The following CHRNE variants were observed in gnomAD, a reference collection of about 807,000 sequenced individuals.
CHRNE encodes cholinergic receptor nicotinic epsilon subunit, also known as acetylcholine receptor subunit epsilon.
In CHRNE, 58 loss-of-function variants were observed where a neutral mutation model predicts 56.5. The observed-to-expected ratio is 1.03, with a 90% confidence interval of 0.83 to 1.28. The LOEUF (loss-of-function observed/expected upper bound fraction) is 1.28, where lower values mean the gene tolerates loss of function less well. Among genes scored for constraint, CHRNE ranks in the 50% most tolerant of loss-of-function variants. The pLI, the probability that CHRNE is intolerant of heterozygous loss-of-function variation, is 0.00. For synonymous variants in CHRNE, 385 were observed against 297.9 expected, an observed-to-expected ratio of 1.29 and a Z score of -3.01; for missense variants, 793 against 688.9, an observed-to-expected ratio of 1.15 and a Z score of -1.69.
chr17:4,901,088 A>G lies in CHRNE; in HGVS notation c.704T>C (p.Ile235Thr), dbSNP rs770523947. 6.2e-7 allele frequency: 1 copy of G among 1,613,804 alleles called. No homozygotes were observed. Among genetic ancestry groups the G allele is most frequent in the Admixed American group, 1.7e-5 (1 of 60,028 alleles). Residue 235 changes from isoleucine (I) to threonine (T), a missense_variant, in exon 7 of 12, where the codon ATC becomes ACC. Ile to Thr is a moderately conservative substitution (Grantham distance 89, BLOSUM62 -1). Coordinates refer to ENST00000649488, the MANE Select transcript of CHRNE (RefSeq NM_000080.4). ...PGETDVIYSL[I>T]IRRKPLFYVI... ...GTAGAAGAGCGGCTTCCGGCGGATGATGAGCGAGTAGATGACGTCAGTCTC... is the reference window on the plus strand; with the variant it reads ...GTAGAAGAGCGGCTTCCGGCGGATGGTGAGCGAGTAGATGACGTCAGTCTC...
In CHRNE at chr17:4,901,766, T is replaced by C. The variant is rs557691162; in HGVS notation, c.501-141A>G. The C allele has an allele frequency of 7.3e-5, 91 of 1,239,910 alleles. 1 individual carries two copies. The Admixed American group carries it at 1.4e-3, about 19-fold the overall frequency. The allele number at this position is 1,239,910 out of a possible 1,614,324, so 76.8% of individuals were successfully genotyped here. ...CCAAGCCCAGCCCGCACGCCTCTGTTCCCATCTGTACCTCCGGCCGCGCTG... is the reference window on the plus strand; with the variant it reads ...CCAAGCCCAGCCCGCACGCCTCTGTCCCCATCTGTACCTCCGGCCGCGCTG... On this transcript the variant is annotated intron_variant, in intron 5 of 11. Coordinates refer to ENST00000649488, the MANE Select transcript of CHRNE (RefSeq NM_000080.4).
intron 8 of CHRNE, 48 bp downstream of exon 8, chr17:4,900,745 C>T: frequency 2.5e-6 from 4 of 1,568,684 alleles, no homozygotes; most frequent in Non-Finnish European, 3.5e-6. Context: ...TTTGGCCACG[C>T]CCCCACCCTT....
Position 4,902,702 on chromosome 17 carries a change from G to T in CHRNE, c.108C>A (p.Asp36Glu), listed in dbSNP as rs1211928633. Reference protein sequence around the residue: ...RLYHHLFNNYDPGSRPVREPE... With the variant: ...RLYHHLFNNYEPGSRPVREPE... ...GCTCCCGCACTGGCCGGCTTCCTGGGTCATAGTTGTTGAAGAGATGGTGAT... is the reference window on the plus strand; with the variant it reads ...GCTCCCGCACTGGCCGGCTTCCTGGTTCATAGTTGTTGAAGAGATGGTGAT... Residue 36 changes from aspartate to glutamate, a missense_variant, in exon 2 of 12, where the codon GAC (aspartate) becomes GAA (glutamate). Transcript: ENST00000649488. This position sits in a 1 kb window ranked among gnomAD's most constrained non-coding sequence, Gnocchi z 4.0. The T allele has an allele frequency of 1.2e-6, 2 of 1,614,116 alleles. No individual in the cohort carries two copies. Among genetic ancestry groups the T allele is most frequent in the Admixed American group, 3.3e-5 (2 of 60,000 alleles).
At chr17:4,900,499 GAGA>G in intron 8 of CHRNE, 1 of 1,550,986 alleles carries the variant, frequency 6.4e-7, no homozygotes, top group Non-Finnish European at 8.7e-7. Flanking sequence ...GGAATCCCCG[GAGA>G]ACCGGTGAGC....
Position 4,902,776 on chromosome 17 carries a change from C to A in CHRNE, c.47-13G>T, listed in dbSNP as rs1297220692. On this transcript the variant is annotated splice_polypyrimidine_tract_variant and intron_variant, in intron 1 of 11. Transcript: ENST00000649488. This position sits in a 1 kb window ranked among gnomAD's most constrained non-coding sequence, Gnocchi z 4.0. ...CCCACACCCCTGCCTGCGATGGGGT[C>A]AAGAAGGAAGGGTCATTGGCAATGA... 1.2e-6 allele frequency: 2 copies of A among 1,614,022 alleles called. No individual in the cohort carries two copies. Among genetic ancestry groups the A allele is most frequent in the East Asian group, 2.2e-5 (1 of 44,858 alleles).
rs1351580796 is a variant in CHRNE at position 4,902,624 on chromosome 17, T to C, written c.186A>G (p.Ser62=). ...GATGAGGGTGGGGGTAGCTTACCAG[T>C]GAGATGAGATTCGTCAGGGTGACCT... ...SLKVTLTNLI[S]LNEKEETLTT... Residue 62 remains serine (S), a synonymous_variant, in exon 2 of 12, where the codon TCA becomes TCG. Transcript: ENST00000649488. The surrounding 1 kb of genome is among the most constrained non-coding windows in gnomAD (Gnocchi z 4.0). 3.7e-6 allele frequency: 6 copies of C among 1,613,764 alleles called. No homozygotes were observed. The Admixed American group carries it at 8.3e-5, about 22-fold the overall frequency.
At chr17:4,899,956 T>G in intron 8 of CHRNE, 1 of 1,551,132 alleles carries the variant, frequency 6.4e-7, no homozygotes, top group East Asian at 2.4e-5. Flanking sequence ...AGCCCCCGCT[T>G]CTGTCTTCCC....
intron 8 of CHRNE, chr17:4,900,416 G>T: frequency 6.4e-7 from 1 of 1,550,848 alleles, no homozygotes; most frequent in South Asian, 1.2e-5. Flanking sequence ...AGGGAGCATG[G>T]CTATGCCTGT....
At position 4,899,311 on chromosome 17, in the gene CHRNE, G is replaced by T; in HGVS notation, c.1106C>A (p.Pro369Gln). The T allele has an allele frequency of 6.3e-7, 1 of 1,582,490 alleles. No homozygotes were observed. Among genetic ancestry groups the T allele is most frequent in the Non-Finnish European group, 8.5e-7 (1 of 1,170,614 alleles). Residue 369 changes from proline (P) to glutamine (Q), a missense_variant, in exon 10 of 12, where the codon CCA (proline) becomes CAA (glutamine). Transcript: ENST00000649488. ...PPEAPRAASP[P>Q]RRASSVGLLL... Reference sequence around the variant, plus strand: ...TAAGCCCACCGACGACGCCCGCCTTGGGGGCGAGGCGGCCCGGGGGGCCTC... The same window carrying T: ...TAAGCCCACCGACGACGCCCGCCTTTGGGGCGAGGCGGCCCGGGGGGCCTC...
rs765175027 is a variant in CHRNE, at chr17:4,901,200, G to A, written c.602-10C>T. On this transcript the variant is annotated splice_polypyrimidine_tract_variant and intron_variant, in intron 6 of 11. Transcript: ENST00000649488. ...GCCCACTCGCCGTTCTCTGCGGGAC[G>A]GGGGCACGGTCAGCTGGCTGTCAGA... The A allele has an allele frequency of 2.8e-5, 45 of 1,599,530 alleles. No individual in the cohort carries two copies. Among genetic ancestry groups the A allele is most frequent in the East Asian group, 1.3e-4 (6 of 44,784 alleles).
In CHRNE at chr17:4,902,717, G is replaced by A; in HGVS notation, c.93C>T (p.Leu31=). The A allele has an allele frequency of 2.5e-6, 4 of 1,614,106 alleles. No individual in the cohort carries two copies. The highest frequency in any genetic ancestry group is 3.4e-6 in the Non-Finnish European group (4 of 1,180,020). The part of the protein sequence containing the change: ...KNEELRLYHH[L]FNNYDPGSRP... ...GGCTTCCTGGGTCATAGTTGTTGAAGAGATGGTGATAAAGACGCAGTTCCT... is the reference window on the plus strand; with the variant it reads ...GGCTTCCTGGGTCATAGTTGTTGAAAAGATGGTGATAAAGACGCAGTTCCT... The change falls in exon 2 of 12, where the codon CTC becomes CTT. Residue 31 remains leucine (L), a synonymous_variant. Transcript: ENST00000649488. This position sits in a 1 kb window ranked among gnomAD's most constrained non-coding sequence, Gnocchi z 4.0.
rs764019737 is a variant in CHRNE, at chr17:4,902,174, C to T, written c.344+43G>A. 2 of 1,613,762 alleles carry T rather than the reference C, an allele frequency of 1.2e-6. No homozygotes were observed. The highest frequency in any genetic ancestry group is 1.7e-6 in the Non-Finnish European group (2 of 1,179,662). Reference sequence around the variant, plus strand: ...CCCCAACCAAGTCCAGCCCGCACCCCAGGCCGGCTTCCCTCCAGCCTGGCG... The same window carrying T: ...CCCCAACCAAGTCCAGCCCGCACCCTAGGCCGGCTTCCCTCCAGCCTGGCG... On this transcript the variant is annotated intron_variant, in intron 4 of 11. Coordinates refer to ENST00000649488, the MANE Select transcript of CHRNE (RefSeq NM_000080.4). The surrounding 1 kb of genome is among the most constrained non-coding windows in gnomAD (Gnocchi z 4.0).
rs2151098767 is a variant in CHRNE, at chr17:4,902,504, G to A, written c.190-10C>T. ...TCTCCTCTTTTTCATTCTGCAGATGGGAGATGGGGATGATTGAAGTGAGAT... is the reference window on the plus strand; with the variant it reads ...TCTCCTCTTTTTCATTCTGCAGATGAGAGATGGGGATGATTGAAGTGAGAT... On this transcript the variant is annotated splice_polypyrimidine_tract_variant and intron_variant, in intron 2 of 11. Transcript: ENST00000649488. The surrounding 1 kb of genome is among the most constrained non-coding windows in gnomAD (Gnocchi z 4.0). The A allele has an allele frequency of 6.2e-7, 1 of 1,614,162 alleles. No individual in the cohort carries two copies. Among genetic ancestry groups the A allele is most frequent in the East Asian group, 2.2e-5 (1 of 44,882 alleles).
In CHRNE at chr17:4,902,912, G is replaced by A. The variant is rs1485191705; in HGVS notation, c.46+106C>T. On this transcript the variant is annotated intron_variant, in intron 1 of 11. Transcript: ENST00000649488. This position sits in a 1 kb window ranked among gnomAD's most constrained non-coding sequence, Gnocchi z 4.0. ...AACCAATTATGCTGTGCCTGGGAAC[G>A]AAATACTGTGTCTAAGTCTCCATCT... 1.0e-5 allele frequency: 16 copies of A among 1,581,782 alleles called. No homozygotes were observed. Among genetic ancestry groups the A allele is most frequent in the South Asian group, 2.2e-5 (2 of 90,304 alleles).
chr17:4,906,479 T>C (rs546129674), upstream of CHRNE, among the ~76,000 whole-genome samples: 74 of 152,166 alleles, frequency 4.9e-4, no homozygotes, highest in Admixed American at 1.4e-3. Context: ...CTTCAAAAAG[T>C]GATTATGAGA....
intron 8 of CHRNE, chr17:4,900,521 C>T (rs1293974271): frequency 1.3e-6 from 2 of 1,550,674 alleles, no homozygotes; most frequent in African/African-American, 1.4e-5. Flanking sequence ...GCTCAGGACA[C>T]GGGGTGAGTT....
intron 11 of CHRNE, 32 bp from the exon 12 acceptor site, chr17:4,898,923 G>C (rs762607579): frequency 2.3e-5 from 36 of 1,567,322 alleles, no homozygotes; most frequent in Non-Finnish European, 2.9e-5. Flanking sequence ...CAGTAAAGAG[G>C]CAGCTGCAGG....
chr17:4,903,223 T>C, upstream of CHRNE: 2 of 763,504 alleles, frequency 2.6e-6, no homozygotes, highest in Non-Finnish European at 4.5e-6. Context: ...ACATTTTGGC[T>C]GCTTCCAGAG....
chr17:4,902,154 A>G lies in CHRNE; in HGVS notation c.344+63T>C, dbSNP rs553084042. On this transcript the variant is annotated intron_variant, in intron 4 of 11. Transcript: ENST00000649488. The surrounding 1 kb of genome is among the most constrained non-coding windows in gnomAD (Gnocchi z 4.0). ...CCCTCTCAGAGTACCCCCTTCCCCA[A>G]CCAAGTCCAGCCCGCACCCCAGGCC... is the stretch of plus-strand genomic sequence containing the variant. 3 of 1,611,810 alleles carry G rather than the reference A, an allele frequency of 1.9e-6. No individual in the cohort carries two copies. The highest frequency in any genetic ancestry group is 2.2e-5 in the South Asian group (2 of 90,986).
Sources: allele counts gnomAD v4.1 joint callset (sites outside exome capture counted in the v4.1 genomes callset), GRCh38; gene constraint gnomAD v4.1.1; non-coding constraint Gnocchi (gnomAD v3.1); transcripts MANE v1.5; gene names NCBI Gene and HGNC (gene_info 2026-07-23, HGNC 2026-07-21).